SDK1: variants seen among roughly 807,000 people sequenced by gnomAD.
SDK1 encodes the protein protein sidekick-1.
In SDK1, 157 loss-of-function variants were observed where a neutral mutation model predicts 245.5. The ratio of observed to expected loss-of-function variants is 0.64; its 90% confidence interval spans 0.56 to 0.73. The LOEUF (loss-of-function observed/expected upper bound fraction) is 0.73. SDK1 is among the 30% of genes least tolerant of loss of function. The pLI is 0.00. For synonymous variants in SDK1, 1,647 were observed against 1,278.5 expected (o/e 1.29, Z -6.15); for missense variants, 3,583 against 3,002.3 (o/e 1.19, Z -4.52).
At chr7:3,309,082 C>T (rs879568812) in intron 1 of SDK1, among the ~76,000 whole-genome samples, 20 of 152,122 alleles carry the variant, frequency 1.3e-4, no homozygotes, top group African/African-American at 4.8e-4. Context: ...ACCTATCATA[C>T]TTAACTAAGG....
At position 4,050,281 on chromosome 7, in the gene SDK1, A is replaced by G. The variant is rs1789351953; in HGVS notation, c.2718+818A>G. Among the ~76,000 whole-genome samples, 3 of 152,338 alleles carry G rather than the reference A, an allele frequency of 2.0e-5. No homozygotes were observed. In the South Asian group the frequency reaches 6.2e-4, roughly 32 times the overall value. On this transcript the variant is annotated intron_variant, in intron 18 of 44. Transcript: ENST00000404826. ...TCCCACAATTTGCATTCAACTTACT[A>G]AAACACTGATTTGTCTGCCAGAAAG...
intron 4 of SDK1, among the ~76,000 whole-genome samples, chr7:3,786,050 G>A (rs992426886): frequency 2.6e-5 from 4 of 152,118 alleles, no homozygotes; most frequent in African/African-American, 9.7e-5. Context: ...TGGTCTCTTT[G>A]AACATAGAAG....
chr7:3,714,761 G>C (rs78857144), intron 4 of SDK1, among the ~76,000 whole-genome samples: 1 of 152,164 alleles, frequency 6.6e-6, no homozygotes, highest in Non-Finnish European at 1.5e-5. Flanking sequence ...TCAAGTATCT[G>C]GGAGATTTGC....
intron 35 of SDK1, among the ~76,000 whole-genome samples, chr7:4,183,528 G>C (rs1401200058): frequency 6.6e-6 from 1 of 151,788 alleles, no homozygotes; most frequent in Non-Finnish European, 1.5e-5. Context: ...CCAGCTACTC[G>C]GGAGGCGGAG....
chr7:3,485,674 C>T (rs375518623), intron 1 of SDK1, among the ~76,000 whole-genome samples: 694 of 42,250 alleles, frequency 0.016, 4 homozygotes, highest in Non-Finnish European at 0.025. Flanking sequence ...AGGGGATGAT[C>T]TTTGGAGGGT....
At position 3,582,402 on chromosome 7, in the gene SDK1, A is replaced by G. The variant is rs563212639; in HGVS notation, c.299-36678A>G. Among the ~76,000 whole-genome samples the G allele has an allele frequency of 1.1e-3, 168 of 147,786 alleles. 1 individual carries two copies. Among genetic ancestry groups the G allele is most frequent in the African/African-American group, 4.0e-3 (161 of 40,324 alleles). On this transcript the variant is annotated intron_variant, in intron 1 of 44. Coordinates refer to ENST00000404826, the MANE Select transcript of SDK1 (RefSeq NM_152744.4). ...TGTCTCAGGTAGGTCTCCCTCAGGT[A>G]GGTCTCCCTCAGGTAGGTCTGTCTC...
At chr7:4,191,089 T>C (rs1783179249) in intron 35 of SDK1, among the ~76,000 whole-genome samples, 1 of 152,204 alleles carries the variant, frequency 6.6e-6, no homozygotes, top group Non-Finnish European at 1.5e-5. Flanking sequence ...ATCCCTGTTA[T>C]GTATGCGGGA....
At chr7:3,873,577 G>A (rs1214594965) in intron 5 of SDK1, among the ~76,000 whole-genome samples, 1 of 151,964 alleles carries the variant, frequency 6.6e-6, no homozygotes, top group Non-Finnish European at 1.5e-5. Flanking sequence ...TTCCAATTAT[G>A]TATATGTTAG....
chr7:3,327,951 C>T (rs1048821389), intron 1 of SDK1, among the ~76,000 whole-genome samples: 1 of 152,020 alleles, frequency 6.6e-6, no homozygotes, highest in Non-Finnish European at 1.5e-5. Context: ...TTTTGATACC[C>T]TATCACTATG....
chr7:3,974,352 C>T lies in SDK1; in HGVS notation c.1818-17C>T, dbSNP rs139701086. The T allele has an allele frequency of 1.9e-6, 3 of 1,605,556 alleles. No homozygotes were observed. The highest frequency in any genetic ancestry group is 1.7e-5 in the Admixed American group (1 of 59,796). On this transcript the variant is annotated splice_polypyrimidine_tract_variant and intron_variant, in intron 12 of 44. Transcript: ENST00000404826. ...ACTGTGGGGTTTGTAACTCAAGACC[C>T]TTTGCTTGGCCCACAGCTACGTTTG...
intron 1 of SDK1, among the ~76,000 whole-genome samples, chr7:3,588,512 T>A (rs1204158759): frequency 1.3e-5 from 2 of 152,128 alleles, no homozygotes; most frequent in African/African-American, 2.4e-5. Context: ...TGTGAGAGGA[T>A]GTTGAATGTG....
intron 4 of SDK1, among the ~76,000 whole-genome samples, chr7:3,700,124 G>A (rs1312084720): frequency 6.6e-6 from 1 of 152,160 alleles, no homozygotes; most frequent in African/African-American, 2.4e-5. Context: ...AGGAATGAAG[G>A]GGAAATTCAG....
At chr7:3,628,959 A>G (rs1782201853) in intron 2 of SDK1, among the ~76,000 whole-genome samples, 1 of 152,012 alleles carries the variant, frequency 6.6e-6, no homozygotes, top group Admixed American at 6.6e-5. Context: ...GTTTGGAAAG[A>G]TCAAGGCAGC....
chr7:3,305,236 A>G lies in SDK1; in HGVS notation c.298+3352A>G, dbSNP rs74545693. Among the ~76,000 whole-genome samples the G allele has an allele frequency of 4.6e-4, 70 of 152,346 alleles. 1 individual carries two copies. The East Asian group carries it at 0.011, about 23-fold the overall frequency. ...TCGGAATCACTGGTGAAAATTTAAAATACAGTTATCTGGACTCCACCTCAG... is the reference window on the plus strand; with the variant it reads ...TCGGAATCACTGGTGAAAATTTAAAGTACAGTTATCTGGACTCCACCTCAG... On this transcript the variant is annotated intron_variant, in intron 1 of 44. Transcript: ENST00000404826.
At chr7:3,909,261 T>C (rs1238952791) in intron 5 of SDK1, among the ~76,000 whole-genome samples, 5 of 152,110 alleles carry the variant, frequency 3.3e-5, no homozygotes. Flanking sequence ...AGCTCTGCTC[T>C]CCAGCAGGCT....
At chr7:3,662,779 T>C (rs574292527) in intron 4 of SDK1, among the ~76,000 whole-genome samples, 21 of 152,326 alleles carry the variant, frequency 1.4e-4, no homozygotes, top group African/African-American at 4.8e-4. Context: ...TGCTTCAAAA[T>C]CTAAAGCTTT....
chr7:3,352,348 A>T (rs1435518160), intron 1 of SDK1, among the ~76,000 whole-genome samples: 2 of 151,968 alleles, frequency 1.3e-5, no homozygotes, highest in South Asian at 4.2e-4. Flanking sequence ...GCTAGTGATC[A>T]TGTATGTGGG....
At chr7:3,867,060 C>A (rs1219290462) in intron 5 of SDK1, among the ~76,000 whole-genome samples, 1 of 152,274 alleles carries the variant, frequency 6.6e-6, no homozygotes, top group East Asian at 1.9e-4. Context: ...GGGCGCAGGC[C>A]TTCATTCCCC....
chr7:3,465,864 G>C (rs781088550), intron 1 of SDK1, among the ~76,000 whole-genome samples: 3 of 152,156 alleles, frequency 2.0e-5, no homozygotes, highest in Non-Finnish European at 4.4e-5. Context: ...CCATAGGGAC[G>C]TGCAGAGGAT....
Sources: allele counts gnomAD v4.1 joint callset (sites outside exome capture counted in the v4.1 genomes callset), GRCh38; gene constraint gnomAD v4.1.1; transcripts MANE v1.5; gene names NCBI Gene and HGNC (gene_info 2026-07-23, HGNC 2026-07-21).